Variants in MAP2 observed in about 807,000 individuals in gnomAD.
MAP2 encodes the protein microtubule associated protein 2.
Under a neutral mutation model 137.6 loss-of-function variants are expected in MAP2, and 14 were observed. The ratio of observed to expected loss-of-function variants is 0.10; its 90% CI spans 0.07 to 0.16. The LOEUF (loss-of-function observed/expected upper bound fraction) is 0.16, where lower values mean the gene tolerates loss of function less well. Ranked by LOEUF, MAP2 falls within the 10% of genes least tolerant of loss-of-function variation. The pLI is 1.00. For synonymous variants in MAP2, 786 were observed against 782.3 expected (o/e 1.00, Z -0.08); for missense variants, 2,088 against 2,191.5 (o/e 0.95, Z 0.94).
At chr2:209,680,957 T>C (rs1439993470) in intron 7 of MAP2, 130 bp downstream of exon 7, 2 of 556,540 alleles carry the variant, frequency 3.6e-6, no homozygotes, top group African/African-American at 1.9e-5. Flanking sequence ...TTTCAAATAA[T>C]GAAGAAGAAA....
intron 1 of MAP2, among the ~76,000 whole-genome samples, chr2:209,475,678 C>G (rs1707023600): frequency 6.6e-6 from 1 of 152,058 alleles, no homozygotes; most frequent in Admixed American, 6.6e-5. Flanking sequence ...ATTTGAACTA[C>G]TGTTCTATTA....
At chr2:209,500,801 T>G (rs2060280938) in intron 1 of MAP2, among the ~76,000 whole-genome samples, 2 of 152,144 alleles carry the variant, frequency 1.3e-5, no homozygotes, top group South Asian at 4.2e-4. Context: ...CTCAGCAATT[T>G]CAGAGGGTGG....
intron 1 of MAP2, among the ~76,000 whole-genome samples, chr2:209,459,833 T>C (rs1702345736): frequency 6.6e-6 from 1 of 152,206 alleles, no homozygotes; most frequent in South Asian, 2.1e-4. Context: ...CCTGTAGGTC[T>C]TGGACCCATC....
At chr2:209,545,898 T>C (rs1271404558) in intron 2 of MAP2, among the ~76,000 whole-genome samples, 2 of 152,304 alleles carry the variant, frequency 1.3e-5, no homozygotes, top group East Asian at 1.9e-4. Flanking sequence ...CCCAGCACTT[T>C]GGGAGGCCGA....
chr2:209,552,070 C>T (rs2069296834), intron 2 of MAP2, among the ~76,000 whole-genome samples: 1 of 152,114 alleles, frequency 6.6e-6, no homozygotes, highest in South Asian at 2.1e-4. Flanking sequence ...AATCATGGGG[C>T]ATGAAGTTTC....
At chr2:209,620,167 T>G (rs1239945969) in intron 3 of MAP2, among the ~76,000 whole-genome samples, 1 of 152,196 alleles carries the variant, frequency 6.6e-6, no homozygotes, top group Non-Finnish European at 1.5e-5. Context: ...CTTTTCTGAC[T>G]AATCTAATTG....
chr2:209,702,988 A>G (rs1256824436), intron 11 of MAP2, among the ~76,000 whole-genome samples: 1 of 152,126 alleles, frequency 6.6e-6, no homozygotes, highest in East Asian at 1.9e-4. Flanking sequence ...GTCACCCATG[A>G]GACATATGGC....
At chr2:209,707,893 T>G (rs1202628105) in intron 12 of MAP2, among the ~76,000 whole-genome samples, 4 of 152,132 alleles carry the variant, frequency 2.6e-5, no homozygotes, top group African/African-American at 9.7e-5. Flanking sequence ...TAGTAAAAAT[T>G]GTTATTCACA....
chr2:209,593,824 T>C (rs2153440240), intron 3 of MAP2, among the ~76,000 whole-genome samples: 1 of 85,076 alleles, frequency 1.2e-5, no homozygotes, highest in East Asian at 2.9e-4. Context: ...TATAATACAT[T>C]ATATTTATAT....
At chr2:209,690,489 C>T (rs2058521283) in intron 7 of MAP2, 6 of 731,080 alleles carry the variant, frequency 8.2e-6, no homozygotes, top group Non-Finnish European at 1.1e-5. Flanking sequence ...AAAAAAACAG[C>T]TGAGGTCTTC....
At chr2:209,464,520 G>A (rs1165968385) in intron 1 of MAP2, among the ~76,000 whole-genome samples, 1 of 152,098 alleles carries the variant, frequency 6.6e-6, no homozygotes, top group Non-Finnish European at 1.5e-5. Flanking sequence ...GAGGACGCTT[G>A]AAGGTGACAT....
chr2:209,522,332 A>T (rs1171502372), intron 2 of MAP2, among the ~76,000 whole-genome samples: 1 of 152,170 alleles, frequency 6.6e-6, no homozygotes, highest in East Asian at 1.9e-4. Context: ...AGCATTTTGA[A>T]CTCTAAAAAC....
rs1583755012 is a variant in MAP2 at position 209,696,549 on chromosome 2, T to C, written c.4188T>C (p.Asp1396=). The change falls in exon 9 of 16, where the codon GAT becomes GAC. Residue 1396 remains aspartate, a synonymous_variant. Coordinates refer to ENST00000682079, the MANE Select transcript of MAP2 (RefSeq NM_001375505.1). Reference sequence around the variant, plus strand: ...ATTTGCTTTGATCCACAGATGATGATAGGAGCATCATGACAGAACAGTTAG... The same window carrying C: ...ATTTGCTTTGATCCACAGATGATGACAGGAGCATCATGACAGAACAGTTAG... ...DSLWVDTQDD[D]RSIMTEQLET... 1.2e-6 allele frequency: 2 copies of C among 1,610,508 alleles called. No homozygotes were observed. Among genetic ancestry groups the C allele is most frequent in the Non-Finnish European group, 1.7e-6 (2 of 1,178,634 alleles).
chr2:209,719,133 C>T (rs891110795), intron 13 of MAP2, among the ~76,000 whole-genome samples: 5 of 152,102 alleles, frequency 3.3e-5, no homozygotes, highest in Admixed American at 6.6e-5. Flanking sequence ...AAACTTAATC[C>T]CCTGCAAGGT....
At chr2:209,435,039 A>T (rs1287991217) in intron 1 of MAP2, among the ~76,000 whole-genome samples, 1 of 149,690 alleles carries the variant, frequency 6.7e-6, no homozygotes, top group East Asian at 1.9e-4. Context: ...TGGGCTTTTT[A>T]ATATTGAGAT....
intron 2 of MAP2, among the ~76,000 whole-genome samples, chr2:209,570,954 T>A (rs1469978555): frequency 6.6e-6 from 1 of 151,896 alleles, no homozygotes; most frequent in Non-Finnish European, 1.5e-5. Context: ...GTTGCCATAT[T>A]CCTAAAATAC....
chr2:209,533,298 C>T (rs2065425535), intron 2 of MAP2, among the ~76,000 whole-genome samples: 1 of 152,122 alleles, frequency 6.6e-6, no homozygotes, highest in South Asian at 2.1e-4. Context: ...GCACCCACCA[C>T]CACATCTGGC....
intron 1 of MAP2, among the ~76,000 whole-genome samples, chr2:209,474,871 T>C (rs1212387236): frequency 6.6e-6 from 1 of 152,084 alleles, no homozygotes; most frequent in East Asian, 1.9e-4. Flanking sequence ...TTTTTCTCAA[T>C]TCAACAATAT....
chr2:209,625,885 T>A (rs1030563929), intron 4 of MAP2, among the ~76,000 whole-genome samples: 1 of 152,154 alleles, frequency 6.6e-6, no homozygotes, highest in Admixed American at 6.6e-5. Context: ...GAAATAATAT[T>A]TTCCTTTATT....
Sources: allele counts gnomAD v4.1 joint callset (sites outside exome capture counted in the v4.1 genomes callset), GRCh38; gene constraint gnomAD v4.1.1; transcripts MANE v1.5; gene names NCBI Gene and HGNC (gene_info 2026-07-23, HGNC 2026-07-21).